RPTOR: variants seen among roughly 807,000 people sequenced by gnomAD.
RPTOR encodes the protein regulatory associated protein of MTOR complex 1.
A neutral mutation model predicts 169.9 loss-of-function variants in RPTOR; 21 were observed. The observed-to-expected ratio is 0.12, with a 90% confidence interval of 0.09 to 0.18. The LOEUF is 0.18. Among genes scored for constraint, RPTOR ranks in the 10% least tolerant of loss-of-function variants. The pLI is 1.00. For missense variants in RPTOR, 1,133 were observed against 1,855.9 expected, an observed-to-expected ratio of 0.61 and a Z score of 7.16; for synonymous variants, 732 against 753.2, an observed-to-expected ratio of 0.97 and a Z score of 0.46.
chr17:80,957,819 G>A lies in RPTOR; in HGVS notation c.3477+89G>A, dbSNP rs992118045. 5.3e-5 allele frequency: 65 copies of A among 1,220,940 alleles called. No individual in the cohort carries two copies. Among genetic ancestry groups the A allele is most frequent in the Admixed American group, 2.1e-4 (12 of 56,036 alleles). 75.6% of individuals were successfully genotyped at this position (1,220,940 alleles called of 1,614,324 possible). A position where few individuals can be genotyped will look rare whatever the true frequency, so the allele number is the denominator to read the frequency against. The stretch of plus-strand genomic sequence containing the variant: ...GTCACAGAACCCAGCAAAGTGTGCG[G>A]TGAGGCCTGGCCATCCCAGGGGTGG... On this transcript the variant is annotated intron_variant, in intron 29 of 33. Transcript: ENST00000306801. This position sits in a 1 kb window ranked among gnomAD's most constrained non-coding sequence, Gnocchi z 4.6.
intron 3 of RPTOR, among the ~76,000 whole-genome samples, chr17:80,673,994 C>T (rs1360056778): frequency 6.6e-6 from 1 of 152,168 alleles, no homozygotes; most frequent in South Asian, 2.1e-4. Context: ...TCATCTTGGC[C>T]CTCCTTAAAA....
chr17:80,819,361 A>G (rs1437308470), intron 7 of RPTOR, among the ~76,000 whole-genome samples: 1 of 152,244 alleles, frequency 6.6e-6, no homozygotes, highest in African/African-American at 2.4e-5. Context: ...TCGTGACTAT[A>G]GAGTATTTGT....
intron 1 of RPTOR, among the ~76,000 whole-genome samples, chr17:80,577,459 T>A (rs1599567799): frequency 2.0e-5 from 3 of 152,134 alleles, no homozygotes; most frequent in Admixed American, 1.3e-4. Context: ...ACATTTTTTT[T>A]ATAGAGCTAG....
chr17:80,850,244 T>A (rs930658939), intron 11 of RPTOR, among the ~76,000 whole-genome samples: 2 of 152,236 alleles, frequency 1.3e-5, no homozygotes, highest in African/African-American at 4.8e-5. Context: ...TGCCTGTTAT[T>A]CCACCTGTGT....
At chr17:80,949,625 T>C in intron 28 of RPTOR, 78 bp downstream of exon 28, 1 of 1,197,600 alleles carries the variant, frequency 8.4e-7, no homozygotes. Context: ...AAGGCCCTTC[T>C]GGGGCTGTCT....
intron 7 of RPTOR, among the ~76,000 whole-genome samples, chr17:80,812,589 T>G (rs2672903): frequency 0.96 from 145,448 of 152,218 alleles, 69,557 homozygotes; most frequent in East Asian, 1. Flanking sequence ...GCTGGGTCCC[T>G]TTTTTGGAGT....
chr17:80,837,682 G>A (rs947538276), intron 9 of RPTOR, among the ~76,000 whole-genome samples: 7 of 152,162 alleles, frequency 4.6e-5, no homozygotes, highest in African/African-American at 1.4e-4. Flanking sequence ...ACAAAATGGT[G>A]AGGATGCTGG....
chr17:80,853,795 A>ACG (rs1555627246), intron 11 of RPTOR, among the ~76,000 whole-genome samples: 16 of 152,188 alleles, frequency 1.1e-4, no homozygotes, highest in Non-Finnish European at 2.2e-4. Flanking sequence ...TGCCTAATGC[A>ACG]GTGAAACCCC....
intron 1 of RPTOR, among the ~76,000 whole-genome samples, chr17:80,595,467 C>T (rs1342017301): frequency 6.6e-6 from 1 of 152,166 alleles, no homozygotes; most frequent in Admixed American, 6.5e-5. Context: ...GGGTTTTTCC[C>T]CCCCCTTAGA....
chr17:80,683,189 C>T (rs544578784), intron 3 of RPTOR, among the ~76,000 whole-genome samples: 1 of 152,306 alleles, frequency 6.6e-6, no homozygotes, highest in Admixed American at 6.5e-5. Context: ...CTACACACGG[C>T]TTTTTGATGG....
rs916468594 is a variant in RPTOR at position 80,828,710 on chromosome 17, A to G, written c.1136+5487A>G. Among the ~76,000 whole-genome samples the G allele has an allele frequency of 3.3e-5, 5 of 152,332 alleles. 1 individual carries two copies. The South Asian group carries it at 1.0e-3, about 32-fold the overall frequency. ...AGCTGAAGCAGGTCGCTAAGGAAAA[A>G]CCAAGCAACGGGACTAATGGGATGT... On this transcript the variant is annotated intron_variant, in intron 9 of 33. Coordinates refer to ENST00000306801, the MANE Select transcript of RPTOR (RefSeq NM_020761.3).
intron 7 of RPTOR, among the ~76,000 whole-genome samples, chr17:80,793,856 A>G (rs2067074515): frequency 1.3e-5 from 2 of 152,254 alleles, no homozygotes; most frequent in African/African-American, 4.8e-5. Flanking sequence ...AGAACCTGGT[A>G]TTTAGTTCAC....
At chr17:80,958,072 G>A (rs1016635883) in intron 29 of RPTOR, among the ~76,000 whole-genome samples, 2 of 147,634 alleles carry the variant, frequency 1.4e-5, no homozygotes, top group African/African-American at 2.5e-5. Context: ...ATTTGGAGGC[G>A]TTTTTTTTTT....
At chr17:80,679,368 G>A (rs1209351718) in intron 3 of RPTOR, among the ~76,000 whole-genome samples, 2 of 152,244 alleles carry the variant, frequency 1.3e-5, no homozygotes, top group Admixed American at 1.3e-4. Context: ...CACAGGGCGG[G>A]AGGAAAGAGG....
chr17:80,942,547 T>TGGTGCC (rs2069045657), intron 25 of RPTOR, among the ~76,000 whole-genome samples: 1 of 152,084 alleles, frequency 6.6e-6, no homozygotes, highest in Admixed American at 6.6e-5. Flanking sequence ...CCAGCAGGCG[T>TGGTGCC]AGTGCCGGGA....
intron 28 of RPTOR, among the ~76,000 whole-genome samples, chr17:80,952,773 G>A (rs902491711): frequency 6.6e-6 from 1 of 151,816 alleles, no homozygotes; most frequent in African/African-American, 2.4e-5. Flanking sequence ...CTGGGACGTG[G>A]CTGCTGCCCC....
At chr17:80,610,339 A>G (rs1474480020) in intron 1 of RPTOR, among the ~76,000 whole-genome samples, 1 of 152,176 alleles carries the variant, frequency 6.6e-6, no homozygotes, top group East Asian at 1.9e-4. Flanking sequence ...ACACGTCTGA[A>G]TTGTGTTCAT....
In RPTOR at chr17:80,749,608, T is replaced by C. The variant is rs949575731; in HGVS notation, c.655-4402T>C. On this transcript the variant is annotated intron_variant, in intron 5 of 33. Coordinates refer to ENST00000306801, the MANE Select transcript of RPTOR (RefSeq NM_020761.3). ...GGATGGAGGGGCTGCGGTGTGTGTT[T>C]GGAGGCTGTGGCGGGAGAGCCTGCT... Among the ~76,000 whole-genome samples, 8 of 152,220 alleles carry C rather than the reference T, an allele frequency of 5.3e-5. No homozygotes were observed. The South Asian group carries it at 6.2e-4, about 12-fold the overall frequency.
chr17:80,962,799 G>A, intron 32 of RPTOR, 129 bp from the exon 33 acceptor site: 1 of 1,489,124 alleles, frequency 6.7e-7, no homozygotes, highest in Non-Finnish European at 9.0e-7. Context: ...TGACCAGAGG[G>A]TCACACCTGC....
Sources: allele counts gnomAD v4.1 joint callset (sites outside exome capture counted in the v4.1 genomes callset), GRCh38; gene constraint gnomAD v4.1.1; non-coding constraint Gnocchi (gnomAD v3.1); transcripts MANE v1.5; gene names NCBI Gene and HGNC (gene_info 2026-07-23, HGNC 2026-07-21).